Variants in OSBPL8 observed in about 807,000 individuals in gnomAD.
OSBPL8 encodes the protein oxysterol binding protein like 8, also known as oxysterol-binding protein-related protein 8.
In OSBPL8, 59 loss-of-function variants were observed where a neutral mutation model predicts 125.5. The ratio of observed to expected loss-of-function variants is 0.47; its 90% confidence interval spans 0.38 to 0.58. The LOEUF is 0.58. OSBPL8 is among the 20% of genes least tolerant of loss of function. The pLI, the probability that OSBPL8 is intolerant of heterozygous loss-of-function variation, is 0.00. For missense variants in OSBPL8, 758 were observed against 1,047.8 expected (o/e 0.72, Z 3.82); for synonymous variants, 330 against 338.9 (o/e 0.97, Z 0.29).
At chr12:76,433,974 C>CAAAA (rs34241447) in intron 4 of OSBPL8, among the ~76,000 whole-genome samples, 1 of 82,134 alleles carries the variant, frequency 1.2e-5, no homozygotes, top group Non-Finnish European at 2.2e-5. Context: ...GACTCCATCT[C>CAAAA]AAAAAAAAAA....
intron 3 of OSBPL8, among the ~76,000 whole-genome samples, chr12:76,454,937 A>AT (rs1268546821): frequency 6.6e-6 from 1 of 152,132 alleles, no homozygotes. Flanking sequence ...AGGCTCAGGG[A>AT]TAAAAAAGCA....
intron 4 of OSBPL8, among the ~76,000 whole-genome samples, chr12:76,417,713 C>A (rs955520577): frequency 6.6e-6 from 1 of 152,112 alleles, no homozygotes; most frequent in African/African-American, 2.4e-5. Context: ...TTTCACAAAT[C>A]TACAGGCTAT....
intron 22 of OSBPL8, among the ~76,000 whole-genome samples, chr12:76,357,228 G>C (rs1952020442): frequency 6.6e-6 from 1 of 152,038 alleles, no homozygotes; most frequent in Non-Finnish European, 1.5e-5. Context: ...TTTTTGTTCA[G>C]ATCCTACTTA....
chr12:76,453,180 A>G (rs1436725900), intron 3 of OSBPL8, among the ~76,000 whole-genome samples: 2 of 152,156 alleles, frequency 1.3e-5, no homozygotes, highest in African/African-American at 2.4e-5. Context: ...ATTTTCCCAT[A>G]AATTCTCAGG....
At chr12:76,378,303 GCAATA>G (rs1463580128) in intron 16 of OSBPL8, 144 bp downstream of exon 16, 1 of 568,180 alleles carries the variant, frequency 1.8e-6, no homozygotes, top group African/African-American at 1.9e-5. Context: ...GCAAATGATA[GCAATA>G]ATCTTAAATA....
intron 1 of OSBPL8, among the ~76,000 whole-genome samples, chr12:76,522,932 A>G: frequency 6.6e-6 from 1 of 152,134 alleles, no homozygotes; most frequent in Middle Eastern, 3.2e-3. Context: ...ACTGTGAATG[A>G]GCTCAAGTGA....
intron 1 of OSBPL8, among the ~76,000 whole-genome samples, chr12:76,500,415 G>A (rs1879777407): frequency 6.6e-6 from 1 of 152,068 alleles, no homozygotes; most frequent in Non-Finnish European, 1.5e-5. Flanking sequence ...CCTTCTTCAC[G>A]AAGGCTTCCT....
At chr12:76,538,944 A>G (rs1323980939) in intron 1 of OSBPL8, among the ~76,000 whole-genome samples, 5 of 151,396 alleles carry the variant, frequency 3.3e-5, no homozygotes, top group Non-Finnish European at 7.4e-5. Context: ...CTCCATCTCA[A>G]AAAAAAAGAA....
At chr12:76,461,726 C>T (rs753585879) in intron 2 of OSBPL8, among the ~76,000 whole-genome samples, 6 of 152,078 alleles carry the variant, frequency 3.9e-5, no homozygotes, top group Non-Finnish European at 8.8e-5. Context: ...CATGAGCCAC[C>T]GTGCCCGGCA....
At chr12:76,542,197 A>T (rs1950664319) in intron 1 of OSBPL8, among the ~76,000 whole-genome samples, 1 of 152,158 alleles carries the variant, frequency 6.6e-6, no homozygotes, top group Non-Finnish European at 1.5e-5. Flanking sequence ...AACATAAAAA[A>T]ATAAAGCATA....
At chr12:76,517,372 T>C (rs1565962746) in intron 1 of OSBPL8, among the ~76,000 whole-genome samples, 1 of 152,222 alleles carries the variant, frequency 6.6e-6, no homozygotes, top group African/African-American at 2.4e-5. Flanking sequence ...AATTTTTAAT[T>C]ATAAAGATAA....
At chr12:76,390,924 G>A (rs1353886901) in intron 10 of OSBPL8, among the ~76,000 whole-genome samples, 1 of 152,044 alleles carries the variant, frequency 6.6e-6, no homozygotes, top group Non-Finnish European at 1.5e-5. Flanking sequence ...TGAGCTCTTT[G>A]CCTCTCTACC....
At chr12:76,413,807 T>C (rs1868331476) in intron 4 of OSBPL8, among the ~76,000 whole-genome samples, 1 of 152,174 alleles carries the variant, frequency 6.6e-6, no homozygotes, top group South Asian at 2.1e-4. Flanking sequence ...CTTTTCTTAT[T>C]ATATAAGAAT....
chr12:76,479,339 T>C (rs558110680), intron 2 of OSBPL8, among the ~76,000 whole-genome samples: 1 of 152,170 alleles, frequency 6.6e-6, no homozygotes, highest in Non-Finnish European at 1.5e-5. Context: ...ACCCACTACA[T>C]GCACACAAAA....
rs1954102151 is a variant in OSBPL8, at chr12:76,402,733, CCTT to C, written c.319_321del (p.Lys107del). 3 of 1,607,886 alleles carry C rather than the reference CCTT, an allele frequency of 1.9e-6. No individual in the cohort carries two copies. Among genetic ancestry groups the C allele is most frequent in the African/African-American group, 2.7e-5 (2 of 74,764 alleles). ...GTGAGTTTGCTTGAAGTTGAACTGTCCTTCTCTGAGCCATTATAAAGTTTAGAT... is the reference window on the plus strand; with the variant it reads ...GTGAGTTTGCTTGAAGTTGAACTGTCCTCTGAGCCATTATAAAGTTTAGAT... On this transcript the variant is annotated inframe_deletion, in exon 6 of 24. Transcript: ENST00000261183.
intron 12 of OSBPL8, among the ~76,000 whole-genome samples, chr12:76,387,491 G>GA (rs2136278685): frequency 6.6e-6 from 1 of 152,298 alleles, no homozygotes; most frequent in African/African-American, 2.4e-5. Context: ...TAGGAGCCAT[G>GA]ACTCAGCTGC....
At chr12:76,398,928 A>G (rs1440715302) in intron 7 of OSBPL8, among the ~76,000 whole-genome samples, 1 of 152,240 alleles carries the variant, frequency 6.6e-6, no homozygotes, top group Non-Finnish European at 1.5e-5. Flanking sequence ...CATGGAGGAC[A>G]AATTATCAGA....
chr12:76,482,993 G>A (rs1877692070), intron 2 of OSBPL8, among the ~76,000 whole-genome samples: 1 of 152,202 alleles, frequency 6.6e-6, no homozygotes, highest in Admixed American at 6.5e-5. Context: ...AGGGCACGGT[G>A]GCTCATGCCT....
intron 21 of OSBPL8, among the ~76,000 whole-genome samples, chr12:76,361,894 A>G (rs1397057648): frequency 6.6e-6 from 1 of 152,246 alleles, no homozygotes; most frequent in Non-Finnish European, 1.5e-5. Flanking sequence ...GGATGGGAAC[A>G]TAGAGCCAAA....
Sources: gnomAD v4.1 joint callset for allele counts (sites outside exome capture counted in the v4.1 genomes callset) on GRCh38, gnomAD v4.1.1 for gene constraint, MANE v1.5 for transcripts, NCBI Gene and HGNC (gene_info 2026-07-23, HGNC 2026-07-21) for gene names.